SLX4IP: variants seen among roughly 807,000 people sequenced by gnomAD.
SLX4IP encodes the protein protein SLX4IP.
Under a neutral mutation model 32.9 loss-of-function variants are expected in SLX4IP, and 34 were observed. The observed-to-expected ratio is 1.03, with a 90% CI of 0.79 to 1.38. The LOEUF (loss-of-function observed/expected upper bound fraction) is 1.38, where lower values mean the gene tolerates loss of function less well. Ranked by LOEUF, SLX4IP falls within the 40% of genes most tolerant of loss-of-function variation. The pLI, the probability that SLX4IP is intolerant of heterozygous loss-of-function variation, is 0.00. For synonymous variants in SLX4IP, 172 were observed against 171.7 expected, an observed-to-expected ratio of 1.00 and a Z score of -0.01; for missense variants, 444 against 479.0, an observed-to-expected ratio of 0.93 and a Z score of 0.68.
intron 2 of SLX4IP, among the ~76,000 whole-genome samples, chr20:10,463,468 AGTTTAGCATGTCAAAGT>A (rs773663004): frequency 6.6e-6 from 1 of 152,138 alleles, no homozygotes; most frequent in Non-Finnish European, 1.5e-5. Context: ...CTGCTTTTTT[AGTTTAGCATGTCAAAGT>A]GTTATATTTC....
At chr20:10,600,474 G>C (rs1384770347) in intron 5 of SLX4IP, among the ~76,000 whole-genome samples, 1 of 152,212 alleles carries the variant, frequency 6.6e-6, no homozygotes, top group Non-Finnish European at 1.5e-5. Flanking sequence ...GGAATAGGGA[G>C]AGTGACTGCC....
intron 4 of SLX4IP, among the ~76,000 whole-genome samples, chr20:10,576,089 C>A (rs978631800): frequency 6.6e-6 from 1 of 152,184 alleles, no homozygotes; most frequent in Non-Finnish European, 1.5e-5. Context: ...CCTAACATGA[C>A]ACCCTAATTA....
chr20:10,579,890 C>A (rs904419868), intron 4 of SLX4IP, among the ~76,000 whole-genome samples: 1 of 151,954 alleles, frequency 6.6e-6, no homozygotes. Flanking sequence ...GATCAAGAAT[C>A]TTTTTTAACC....
Position 10,547,070 on chromosome 20 carries a change from G to A in SLX4IP, c.28-9161G>A, listed in dbSNP as rs111592632. ...ATGGTTGACCATTGCTTTATTCCAC[G>A]CAGTACTTTGCCTCCCATCTCAAAT... On this transcript the variant is annotated intron_variant, in intron 2 of 7. Coordinates refer to ENST00000334534, the MANE Select transcript of SLX4IP (RefSeq NM_001009608.3). Among the ~76,000 whole-genome samples the A allele has an allele frequency of 2.5e-3, 377 of 152,186 alleles. 2 individuals are homozygous for A. Among genetic ancestry groups the A allele is most frequent in the African/African-American group, 7.8e-3 (324 of 41,530 alleles).
At chr20:10,549,584 G>C (rs1470893043) in intron 2 of SLX4IP, among the ~76,000 whole-genome samples, 2 of 152,242 alleles carry the variant, frequency 1.3e-5, no homozygotes, top group African/African-American at 4.8e-5. Context: ...CATGAGGCTG[G>C]AAGTGTGTCC....
chr20:10,560,714 G>T lies in SLX4IP; in HGVS notation c.132G>T (p.Leu44=). ...SEQKKEEVCL[L]LKETIDSRVQ... ...ATTTGCTTTAGGAAGTCTGTTTACT[G>T]TTAAAAGAAACCATTGATTCAAGAG... The change falls in exon 4 of 8, where the codon CTG becomes CTT. Residue 44 remains leucine, a synonymous_variant. Coordinates refer to ENST00000334534, the MANE Select transcript of SLX4IP (RefSeq NM_001009608.3). 6.3e-7 allele frequency: 1 copy of T among 1,588,730 alleles called. No individual in the cohort carries two copies. The highest frequency in any genetic ancestry group is 1.2e-5 in the South Asian group (1 of 86,378).
At chr20:10,620,257 C>G (rs2067092175) in intron 6 of SLX4IP, among the ~76,000 whole-genome samples, 1 of 152,144 alleles carries the variant, frequency 6.6e-6, no homozygotes, top group Admixed American at 6.5e-5. Context: ...GGAGTTAACA[C>G]CTTGTATGGA....
At chr20:10,593,523 C>T (rs1033294639) in intron 4 of SLX4IP, among the ~76,000 whole-genome samples, 1 of 152,076 alleles carries the variant, frequency 6.6e-6, no homozygotes, top group Admixed American at 6.6e-5. Context: ...TCGCTTGAGC[C>T]CAGGAGTTCA....
chr20:10,499,186 G>T (rs757610549), intron 2 of SLX4IP, among the ~76,000 whole-genome samples: 1 of 151,850 alleles, frequency 6.6e-6, no homozygotes, highest in Non-Finnish European at 1.5e-5. Flanking sequence ...GTTATATATG[G>T]CTTGGACTTT....
intron 1 of SLX4IP, among the ~76,000 whole-genome samples, chr20:10,447,649 C>CTTTTTATT (rs1387775971): frequency 6.6e-6 from 1 of 151,750 alleles, no homozygotes; most frequent in Non-Finnish European, 1.5e-5. Flanking sequence ...CTAATGTTAC[C>CTTTTTATT]TTTTTATTTT....
At chr20:10,522,761 C>G (rs147769950) in intron 2 of SLX4IP, among the ~76,000 whole-genome samples, 3 of 152,320 alleles carry the variant, frequency 2.0e-5, no homozygotes, top group Admixed American at 1.3e-4. Context: ...GCCATTGAAT[C>G]TGTTCATCCA....
Position 10,616,380 on chromosome 20 carries a change from A to C in SLX4IP, c.406-4934A>C, listed in dbSNP as rs1389902482. Among the ~76,000 whole-genome samples, 96 of 16,192 alleles carry C rather than the reference A, an allele frequency of 5.9e-3. 1 individual carries two copies. The highest frequency in any genetic ancestry group is 0.024 in the African/African-American group (40 of 1,692). 10.6% of individuals were successfully genotyped at this position (16,192 alleles called of 152,430 possible). ...ATTCCTTTTAAAATGTCAAGTCCCA[A>C]AAAAAAAAATGAAATAAATAAATAA... On this transcript the variant is annotated intron_variant, in intron 6 of 7. Transcript: ENST00000334534.
chr20:10,484,697 GA>G (rs1177586364), intron 2 of SLX4IP, among the ~76,000 whole-genome samples: 1 of 152,114 alleles, frequency 6.6e-6, no homozygotes, highest in Non-Finnish European at 1.5e-5. Flanking sequence ...TCACCCTTAA[GA>G]AAAGATATGC....
At chr20:10,550,221 G>A (rs2066204259) in intron 2 of SLX4IP, among the ~76,000 whole-genome samples, 1 of 152,142 alleles carries the variant, frequency 6.6e-6, no homozygotes, top group Non-Finnish European at 1.5e-5. Flanking sequence ...TTTTACCCTT[G>A]TTTGCTTTTA....
chr20:10,591,409 T>C (rs1166203669), intron 4 of SLX4IP, among the ~76,000 whole-genome samples: 1 of 152,166 alleles, frequency 6.6e-6, no homozygotes, highest in Non-Finnish European at 1.5e-5. Flanking sequence ...AATCTCAGAG[T>C]TGAAATGGAT....
At chr20:10,578,403 A>T (rs561689813) in intron 4 of SLX4IP, among the ~76,000 whole-genome samples, 13 of 152,358 alleles carry the variant, frequency 8.5e-5, no homozygotes, top group African/African-American at 3.1e-4. Context: ...TTTATAACAC[A>T]TATCAGTAGT....
At chr20:10,466,168 G>T (rs984457185) in intron 2 of SLX4IP, among the ~76,000 whole-genome samples, 15 of 152,184 alleles carry the variant, frequency 9.9e-5, no homozygotes, top group African/African-American at 3.6e-4. Flanking sequence ...GATACACATG[G>T]TGTCTACCTC....
chr20:10,620,463 G>C (rs942376624), intron 6 of SLX4IP, among the ~76,000 whole-genome samples: 1 of 152,100 alleles, frequency 6.6e-6, no homozygotes, highest in African/African-American at 2.4e-5. Context: ...AAAAAGTCCC[G>C]AATTTTTTGG....
chr20:10,445,073 G>T (rs1229354462), intron 1 of SLX4IP, among the ~76,000 whole-genome samples: 1 of 152,024 alleles, frequency 6.6e-6, no homozygotes, highest in East Asian at 1.9e-4. Flanking sequence ...CAACTAATTG[G>T]GTTTTGTAAA....
Sources: allele counts gnomAD v4.1 joint callset (sites outside exome capture counted in the v4.1 genomes callset), GRCh38; gene constraint gnomAD v4.1.1; transcripts MANE v1.5; gene names NCBI Gene and HGNC (gene_info 2026-07-23, HGNC 2026-07-21).